The following TRIM55 variants were observed in gnomAD, a reference collection of about 807,000 sequenced individuals.
TRIM55 encodes the protein tripartite motif containing 55, also known as tripartite motif-containing protein 55.
Under a neutral mutation model 60.9 loss-of-function variants are expected in TRIM55, and 50 were observed. That is an observed-to-expected ratio of 0.82 (90% CI 0.65 to 1.04). The LOEUF is 1.04. TRIM55 is among the 50% of genes least tolerant of loss of function. TRIM55 has a pLI of 0.00. For synonymous variants in TRIM55, 237 were observed against 238.1 expected (o/e 1.00, Z 0.04); for missense variants, 681 against 666.9 (o/e 1.02, Z -0.23).
intron 4 of TRIM55, among the ~76,000 whole-genome samples, chr8:66,148,777 G>A (rs1288338043): frequency 2.0e-5 from 3 of 152,152 alleles, no homozygotes; most frequent in African/African-American, 2.4e-5. Context: ...GGCCGGGCAC[G>A]GTGGCTCACG....
At chr8:66,154,421 T>C in intron 9 of TRIM55, 87 bp downstream of exon 9, 1 of 1,416,066 alleles carries the variant, frequency 7.1e-7, no homozygotes, top group Non-Finnish European at 9.6e-7. Flanking sequence ...AAAAGGGTTT[T>C]CAAAGGGGCA....
the TRIM55 span, among the ~76,000 whole-genome samples, chr8:66,118,296 G>A: frequency 8.6e-5 from 13 of 150,836 alleles, no homozygotes; most frequent in African/African-American, 3.2e-4. Flanking sequence ...TGAAGAAGGA[G>A]TGATTATCAA....
chr8:66,150,407 A>G lies in TRIM55; in HGVS notation c.926A>G (p.His309Arg). The change falls in exon 7 of 10, where the codon CAC (histidine) becomes CGC (arginine). Residue 309 changes from histidine to arginine, a missense_variant. Transcript: ENST00000315962. ...GAACATGGCTATGAGAACATGAACC[A>G]CTTCACAGTCAACCTCAATAGAGAA... The part of the protein sequence containing the change: ...KIEHGYENMN[H>R]FTVNLNREEK... The G allele has an allele frequency of 6.2e-7, 1 of 1,614,196 alleles. No homozygotes were observed. The highest frequency in any genetic ancestry group is 8.5e-7 in the Non-Finnish European group (1 of 1,180,014).
At chr8:66,114,217 C>T in the TRIM55 span, among the ~76,000 whole-genome samples, 2 of 152,044 alleles carry the variant, frequency 1.3e-5, no homozygotes, top group Non-Finnish European at 2.9e-5. Flanking sequence ...GTAGAGCGCT[C>T]GCTTAGCATG....
At chr8:66,160,647 A>G (rs989148827) in intron 9 of TRIM55, among the ~76,000 whole-genome samples, 2 of 152,046 alleles carry the variant, frequency 1.3e-5, no homozygotes, top group Non-Finnish European at 2.9e-5. Context: ...CCAACAGTGT[A>G]AATTGTTCCC....
Position 66,127,440 on chromosome 8 carries a change from G to A in TRIM55, c.168+4G>A. 1 of 1,613,908 alleles carries A rather than the reference G, an allele frequency of 6.2e-7. No individual in the cohort carries two copies. The highest frequency in any genetic ancestry group is 8.5e-7 in the Non-Finnish European group (1 of 1,179,894). ...ATGTGCCAGTGATATTTTCCAGGTA[G>A]GTTTGTTTGGAATTTGGTTGAGGGG... On this transcript the variant is annotated splice_donor_region_variant and intron_variant, in intron 1 of 9. Transcript: ENST00000315962.
intron 9 of TRIM55, among the ~76,000 whole-genome samples, chr8:66,169,587 C>A (rs1811508623): frequency 6.6e-6 from 1 of 152,180 alleles, no homozygotes. Context: ...AATGAAAAAG[C>A]AGGCCAGGTA....
intron 7 of TRIM55, among the ~76,000 whole-genome samples, chr8:66,150,936 G>A (rs142090471): frequency 3.3e-5 from 5 of 152,292 alleles, no homozygotes; most frequent in African/African-American, 9.6e-5. Context: ...AAAGTGCTGG[G>A]ATTACAGAAG....
chr8:66,135,996 T>C (rs938191609), intron 3 of TRIM55, among the ~76,000 whole-genome samples: 1 of 152,160 alleles, frequency 6.6e-6, no homozygotes, highest in African/African-American at 2.4e-5. Context: ...GATCAGTGTT[T>C]TACTGTGAAG....
intron 4 of TRIM55, among the ~76,000 whole-genome samples, chr8:66,141,853 C>T (rs1175055552): frequency 6.6e-6 from 1 of 152,150 alleles, no homozygotes; most frequent in Non-Finnish European, 1.5e-5. Context: ...TGATTTTACC[C>T]AAAATGACCA....
chr8:66,155,781 G>T (rs1028527412), intron 9 of TRIM55: 4 of 1,071,566 alleles, frequency 3.7e-6, no homozygotes, highest in Non-Finnish European at 5.6e-6. Context: ...TCTTCTATAG[G>T]CCCAGAGATT....
intron 9 of TRIM55, among the ~76,000 whole-genome samples, chr8:66,161,328 T>A (rs1811038278): frequency 6.6e-6 from 1 of 152,096 alleles, no homozygotes. Flanking sequence ...CGAAGATCAG[T>A]TGGCTGTAAG....
chr8:66,117,163 T>A, the TRIM55 span, among the ~76,000 whole-genome samples: 4 of 152,214 alleles, frequency 2.6e-5, no homozygotes, highest in Non-Finnish European at 5.9e-5. Context: ...ATGAAGGACA[T>A]AAGTGAAACA....
At chr8:66,130,527 T>C (rs1809077364) in intron 2 of TRIM55, among the ~76,000 whole-genome samples, 2 of 138,402 alleles carry the variant, frequency 1.4e-5, no homozygotes, top group South Asian at 4.5e-4. Flanking sequence ...ATATACAGAA[T>C]GAAAAGAGTT....
chr8:66,113,400 G>T, the TRIM55 span: 1 of 417,518 alleles, frequency 2.4e-6, no homozygotes, highest in Admixed American at 2.5e-5. Context: ...GCGGAGGACT[G>T]TAGCTACTTC....
chr8:66,170,468 A>T (rs1025912677), intron 9 of TRIM55, among the ~76,000 whole-genome samples: 2 of 152,192 alleles, frequency 1.3e-5, no homozygotes, highest in South Asian at 2.1e-4. Flanking sequence ...GATTCTTGAC[A>T]TGTATGTATG....
chr8:66,143,098 G>A lies in TRIM55; in HGVS notation c.603+5908G>A, dbSNP rs542881176. Among the ~76,000 whole-genome samples, 5 of 152,294 alleles carry A rather than the reference G, an allele frequency of 3.3e-5. No homozygotes were observed. The South Asian group carries it at 8.3e-4, about 25-fold the overall frequency. On this transcript the variant is annotated intron_variant, in intron 4 of 9. Coordinates refer to ENST00000315962, the MANE Select transcript of TRIM55 (RefSeq NM_184085.2). The stretch of plus-strand genomic sequence containing the variant: ...GGTATAGCTCTAACAAGTATGTCTC[G>A]ATGAATGTTGGAGGAATGTGGTGGA...
chr8:66,169,057 G>A (rs544310204), intron 9 of TRIM55, among the ~76,000 whole-genome samples: 9 of 152,222 alleles, frequency 5.9e-5, no homozygotes, highest in South Asian at 2.1e-4. Flanking sequence ...ATGTCATGGA[G>A]GCCCTGGGAA....
chr8:66,149,283 A>C (rs1257000671), intron 4 of TRIM55, among the ~76,000 whole-genome samples: 1 of 152,188 alleles, frequency 6.6e-6, no homozygotes, highest in Non-Finnish European at 1.5e-5. Context: ...GCATGCACAC[A>C]CATGCACACA....
Sources: allele counts gnomAD v4.1 joint callset (sites outside exome capture counted in the v4.1 genomes callset), GRCh38; gene constraint gnomAD v4.1.1; transcripts MANE v1.5; gene names NCBI Gene and HGNC (gene_info 2026-07-23, HGNC 2026-07-21).